Variants in RNF150 observed in about 807,000 individuals in gnomAD.
RNF150 encodes ring finger protein 150.
In RNF150, 24 loss-of-function variants were observed where a neutral mutation model predicts 39.3. That is an observed-to-expected ratio of 0.61 (90% CI 0.44 to 0.86). The LOEUF is 0.86. RNF150 is among the 40% of genes least tolerant of loss of function. RNF150 has a pLI of 0.00. For missense variants in RNF150, 502 were observed against 587.8 expected (o/e 0.85, Z 1.51); for synonymous variants, 255 against 227.3 (o/e 1.12, Z -1.10).
intron 1 of RNF150, among the ~76,000 whole-genome samples, chr4:141,033,517 A>G (rs1020076501): frequency 8.5e-5 from 13 of 152,128 alleles, no homozygotes; most frequent in Non-Finnish European, 1.5e-4. Context: ...ATGAATCACA[A>G]ATATTCTTAG....
At chr4:140,907,741 TG>T (rs1730442507) in intron 6 of RNF150, among the ~76,000 whole-genome samples, 7 of 152,332 alleles carry the variant, frequency 4.6e-5, no homozygotes, top group Non-Finnish European at 1.0e-4. Context: ...GCTCTGGGGC[TG>T]GTGGCCCAGT....
chr4:141,155,991 G>T (rs1727389680), intron 1 of RNF150, among the ~76,000 whole-genome samples: 1 of 151,582 alleles, frequency 6.6e-6, no homozygotes, highest in African/African-American at 2.4e-5. Flanking sequence ...ATCATGGCTG[G>T]AAGGAGGAGG....
Position 141,173,697 on chromosome 4 carries a change from G to C in RNF150, c.-6+39097C>G, listed in dbSNP as rs149045367. ...AGCAGAGCCAGCCAACTGCCCTACA[G>C]TTGGTTAAATAGTGTTTTTACACTT... On this transcript the variant is annotated intron_variant, in intron 1 of 7. Coordinates refer to the RNF150 transcript ENST00000420921. 7.9e-5 allele frequency among the ~76,000 whole-genome samples: 12 copies of C among 152,304 alleles called. No homozygotes were observed. In the East Asian group the frequency reaches 9.6e-4, roughly 12 times the overall value.
chr4:140,954,365 CCACTG>C (rs1274604677), intron 2 of RNF150, among the ~76,000 whole-genome samples: 1 of 152,038 alleles, frequency 6.6e-6, no homozygotes, highest in Non-Finnish European at 1.5e-5. Flanking sequence ...CAGGTGTGTG[CCACTG>C]CACCCAGGTA....
At chr4:140,903,639 A>G (rs1017513100) in intron 6 of RNF150, among the ~76,000 whole-genome samples, 1 of 152,204 alleles carries the variant, frequency 6.6e-6, no homozygotes, top group South Asian at 2.1e-4. Context: ...TGCTGGTAAC[A>G]GTTGCTGAGC....
upstream of RNF150, among the ~76,000 whole-genome samples, chr4:141,137,926 T>C (rs1176377537): frequency 6.6e-6 from 1 of 152,152 alleles, no homozygotes; most frequent in Non-Finnish European, 1.5e-5. Context: ...CAGAGGGCTC[T>C]TTGGTGTACA....
chr4:140,881,205 C>T (rs1328244072), intron 6 of RNF150, among the ~76,000 whole-genome samples: 10 of 151,168 alleles, frequency 6.6e-5, no homozygotes, highest in Admixed American at 6.6e-4. Context: ...CTGTATGGCA[C>T]AGGCTGGAAT....
chr4:141,079,632 C>T (rs1384213457), intron 1 of RNF150, among the ~76,000 whole-genome samples: 1 of 152,206 alleles, frequency 6.6e-6, no homozygotes, highest in Non-Finnish European at 1.5e-5. Flanking sequence ...TGGCTGAGCA[C>T]TACAGACAGC....
At chr4:140,877,725 G>T (rs1729212247) in intron 6 of RNF150, among the ~76,000 whole-genome samples, 1 of 152,206 alleles carries the variant, frequency 6.6e-6, no homozygotes, top group African/African-American at 2.4e-5. Context: ...GGTGACATAT[G>T]CTAAAAGAGA....
In RNF150 at chr4:140,980,232, G is replaced by A. The variant is rs546213617; in HGVS notation, c.485-12359C>T. Among the ~76,000 whole-genome samples, 32 of 151,892 alleles carry A rather than the reference G, an allele frequency of 2.1e-4. 2 individuals are homozygous for A. The South Asian group carries it at 6.7e-3, about 32-fold the overall frequency. ...TAATTTTTGTATTTTTAGGGAAGATGGGGTTTCACTATGTTGGCCATGCTG... is the reference window on the plus strand; with the variant it reads ...TAATTTTTGTATTTTTAGGGAAGATAGGGTTTCACTATGTTGGCCATGCTG... On this transcript the variant is annotated intron_variant, in intron 1 of 6. Coordinates refer to ENST00000515673, the MANE Select transcript of RNF150 (RefSeq NM_020724.2).
intron 4 of RNF150, among the ~76,000 whole-genome samples, chr4:140,928,250 G>A (rs898378879): frequency 6.6e-6 from 1 of 152,166 alleles, no homozygotes; most frequent in East Asian, 1.9e-4. Context: ...AGAATAAAAG[G>A]GAGCTTGGCG....
chr4:140,926,196 C>T (rs28372287), intron 4 of RNF150, 123 bp from the exon 5 acceptor site: 228,679 of 676,918 alleles, frequency 0.34, 42,612 homozygotes, highest in East Asian at 0.68. Context: ...CTCAAACCTC[C>T]ATCCCTAACT....
chr4:140,961,784 T>G (rs1355410020), intron 2 of RNF150, among the ~76,000 whole-genome samples: 1 of 152,056 alleles, frequency 6.6e-6, no homozygotes, highest in Non-Finnish European at 1.5e-5. Flanking sequence ...GTTAACAAAC[T>G]GGGAGGAGAA....
rs1728505663 is a variant in RNF150 at position 140,861,869 on chromosome 4, T to A, written c.*6392A>T. ...ACACTAGACTTTAAAGATGGTGTGG[T>A]ACTAAGGCCACAATTCATTTTTTAG... On this transcript the variant is annotated 3_prime_UTR_variant, in exon 7 of 7. Coordinates refer to ENST00000515673, the MANE Select transcript of RNF150 (RefSeq NM_020724.2). 6.6e-6 allele frequency: 1 copy of A among 152,198 alleles called. No homozygotes were observed. Among genetic ancestry groups the A allele is most frequent in the African/African-American group, 2.4e-5 (1 of 41,452 alleles). 9.4% of individuals were successfully genotyped at this position (152,198 alleles called of 1,614,324 possible).
intron 1 of RNF150, among the ~76,000 whole-genome samples, chr4:141,190,596 C>G (rs777725749): frequency 1.4e-4 from 22 of 152,268 alleles, no homozygotes; most frequent in Admixed American, 5.2e-4. Flanking sequence ...AAACGCCTTG[C>G]TTGCAGGCCT....
intron 1 of RNF150, among the ~76,000 whole-genome samples, chr4:141,103,497 G>A (rs953550807): frequency 6.6e-6 from 1 of 152,188 alleles, no homozygotes; most frequent in East Asian, 1.9e-4. Flanking sequence ...CATAATGCTT[G>A]CTACTGTGGG....
intron 1 of RNF150, among the ~76,000 whole-genome samples, chr4:141,100,596 A>G (rs1279906088): frequency 6.6e-6 from 1 of 152,196 alleles, no homozygotes; most frequent in Non-Finnish European, 1.5e-5. Context: ...CAGCCTCAAC[A>G]ATGTCTAACT....
At chr4:140,878,870 G>A (rs77565475) in intron 6 of RNF150, among the ~76,000 whole-genome samples, 4,119 of 152,256 alleles carry the variant, frequency 0.027, 125 homozygotes, top group African/African-American at 0.077. Context: ...TCCTCTAGGA[G>A]TTTTACAGTT....
intron 1 of RNF150, among the ~76,000 whole-genome samples, chr4:141,197,122 G>A (rs1414921476): frequency 1.3e-5 from 2 of 151,920 alleles, no homozygotes; most frequent in Non-Finnish European, 2.9e-5. Flanking sequence ...GCTTTTGTTT[G>A]CTGTACAAAT....
Sources: allele counts gnomAD v4.1 joint callset (sites outside exome capture counted in the v4.1 genomes callset), GRCh38; gene constraint gnomAD v4.1.1; transcripts MANE v1.5; gene names NCBI Gene and HGNC (gene_info 2026-07-23, HGNC 2026-07-21).